BSND: variants seen among roughly 807,000 people sequenced by gnomAD.
BSND encodes the protein barttin CLCNK type accessory subunit beta.
Under a neutral mutation model 18.8 loss-of-function variants are expected in BSND, and 13 were observed. The ratio of observed to expected loss-of-function variants is 0.69; its 90% CI spans 0.45 to 1.10. The LOEUF (loss-of-function observed/expected upper bound fraction) is 1.10. BSND is among the 50% of genes least tolerant of loss of function. The pLI, the probability that BSND is intolerant of heterozygous loss-of-function variation, is 0.00. For synonymous variants in BSND, 170 were observed against 161.8 expected, an observed-to-expected ratio of 1.05 and a Z score of -0.39; for missense variants, 379 against 416.7, an observed-to-expected ratio of 0.91 and a Z score of 0.79.
intron 1 of BSND, among the ~76,000 whole-genome samples, chr1:55,000,357 C>T (rs1644355029): frequency 6.6e-6 from 1 of 151,796 alleles, no homozygotes; most frequent in African/African-American, 2.4e-5. Flanking sequence ...AATAGGGACT[C>T]TAACTTGGGC....
chr1:55,003,428 G>T (rs143007612), intron 1 of BSND, among the ~76,000 whole-genome samples: 1 of 152,100 alleles, frequency 6.6e-6, no homozygotes, highest in Non-Finnish European at 1.5e-5. Context: ...TAGAGACAGC[G>T]TCTTTCTTCA....
At chr1:55,002,701 T>A (rs1397887856) in intron 1 of BSND, among the ~76,000 whole-genome samples, 1 of 152,210 alleles carries the variant, frequency 6.6e-6, no homozygotes. Context: ...CCCCATCCTT[T>A]CCTTCTCCAA....
Position 55,008,787 on chromosome 1 carries a change from T to A in BSND, c.*159T>A. On this transcript the variant is annotated 3_prime_UTR_variant, in exon 4 of 4. Coordinates refer to ENST00000651561, the MANE Select transcript of BSND (RefSeq NM_057176.3). ...AAAGAAATACACAGGGAGGGGATGA[T>A]GACTATTAGTGGACTCTTGTTTTTC... 1 of 1,076,110 alleles carries A rather than the reference T, an allele frequency of 9.3e-7. No homozygotes were observed. The highest frequency in any genetic ancestry group is 2.0e-5 in the Admixed American group (1 of 49,830). The allele number at this position is 1,076,110 out of a possible 1,614,324, so 66.7% of individuals were successfully genotyped here.
At chr1:55,004,581 C>A (rs1644380350) in intron 1 of BSND, among the ~76,000 whole-genome samples, 1 of 152,200 alleles carries the variant, frequency 6.6e-6, no homozygotes, top group East Asian at 1.9e-4. Flanking sequence ...TCTCTGTCAC[C>A]CACTGCAGCC....
In BSND at chr1:55,015,887, T is replaced by C. The variant is rs1180825893; in HGVS notation, c.*7259T>C. 6.6e-6 allele frequency among the ~76,000 whole-genome samples: 1 copy of C among 152,216 alleles called. No individual in the cohort carries two copies. The highest frequency in any genetic ancestry group is 1.9e-4 in the East Asian group (1 of 5,180). Reference sequence around the variant, plus strand: ...GAGGAACTCCCACCAAGCTATGTCCTGAAGGATTCGCTAGGGAAGAGCAGG... The same window carrying C: ...GAGGAACTCCCACCAAGCTATGTCCCGAAGGATTCGCTAGGGAAGAGCAGG... On this transcript the variant is annotated 3_prime_UTR_variant, in exon 4 of 4. Coordinates refer to ENST00000651561, the MANE Select transcript of BSND (RefSeq NM_057176.3).
In BSND at chr1:55,014,627, G is replaced by T. The variant is rs1016371201; in HGVS notation, c.*5999G>T. Among the ~76,000 whole-genome samples the T allele has an allele frequency of 6.6e-6, 1 of 152,164 alleles. No individual in the cohort carries two copies. The highest frequency in any genetic ancestry group is 1.9e-4 in the East Asian group (1 of 5,192). On this transcript the variant is annotated 3_prime_UTR_variant, in exon 4 of 4. Transcript: ENST00000651561. Reference sequence around the variant, plus strand: ...ACATGTATAATTCGAGCTTTGTATCGTCAGTGCTTCCAAGTGCCTGTCAAT... The same window carrying T: ...ACATGTATAATTCGAGCTTTGTATCTTCAGTGCTTCCAAGTGCCTGTCAAT...
At position 55,014,831 on chromosome 1, in the gene BSND, T is replaced by C. The variant is rs2149038; in HGVS notation, c.*6203T>C. 0.56 allele frequency among the ~76,000 whole-genome samples: 84,600 copies of C among 152,024 alleles called. 23,789 individuals carry two copies. Among genetic ancestry groups the C allele is most frequent in the East Asian group, 0.67 (3,458 of 5,150 alleles). The stretch of plus-strand genomic sequence containing the variant: ...CTTAAATGAGTTATCAAACATTGGA[T>C]AGCTGGTAGGCAACCCAGAAGAGGT... On this transcript the variant is annotated 3_prime_UTR_variant, in exon 4 of 4. Coordinates refer to ENST00000651561, the MANE Select transcript of BSND (RefSeq NM_057176.3).
intron 1 of BSND, among the ~76,000 whole-genome samples, chr1:55,001,827 A>G (rs1160270977): frequency 6.6e-6 from 1 of 152,174 alleles, no homozygotes; most frequent in Non-Finnish European, 1.5e-5. Flanking sequence ...CATTCCAGGC[A>G]GAAGAGTAGC....
chr1:55,017,009 A>G lies in BSND; in HGVS notation c.*8381A>G, dbSNP rs1487311026. On this transcript the variant is annotated 3_prime_UTR_variant, in exon 4 of 4. Transcript: ENST00000651561. ...CTCCTTTGTAGCATTTATTACCATC[A>G]TAATTTTACATTTCTTTGTGAATTT... Among the ~76,000 whole-genome samples the G allele has an allele frequency of 2.0e-5, 3 of 152,214 alleles. No individual in the cohort carries two copies. Among genetic ancestry groups the G allele is most frequent in the Non-Finnish European group, 4.4e-5 (3 of 68,036 alleles).
In BSND at chr1:55,005,581, T is replaced by C. The variant is rs575622938; in HGVS notation, c.272+465T>C. Among the ~76,000 whole-genome samples the C allele has an allele frequency of 2.0e-5, 3 of 152,324 alleles. No homozygotes were observed. The East Asian group carries it at 5.8e-4, about 29-fold the overall frequency. On this transcript the variant is annotated intron_variant, in intron 2 of 3. Transcript: ENST00000651561. ...GTCTGTAAAATGGGGATACTAATAG[T>C]ACCTATCTCCTAGGGCTTCAGGGAG...
chr1:55,001,797 G>A (rs1644362858), intron 1 of BSND, among the ~76,000 whole-genome samples: 1 of 152,076 alleles, frequency 6.6e-6, no homozygotes, highest in Non-Finnish European at 1.5e-5. Context: ...AGTTCACCAA[G>A]CAGAGAAGAT....
At chr1:55,001,645 G>A (rs554579941) in intron 1 of BSND, among the ~76,000 whole-genome samples, 2 of 152,282 alleles carry the variant, frequency 1.3e-5, no homozygotes, top group African/African-American at 4.8e-5. Context: ...ATATAGGGGT[G>A]AGGGGTAGCC....
intron 2 of BSND, among the ~76,000 whole-genome samples, chr1:55,006,315 TC>T (rs1644391361): frequency 6.6e-6 from 1 of 152,138 alleles, no homozygotes; most frequent in Admixed American, 6.5e-5. Flanking sequence ...CCCAGTCACT[TC>T]CCGGCTGTGT....
chr1:55,003,181 G>T (rs1016049243), intron 1 of BSND, among the ~76,000 whole-genome samples: 2 of 151,188 alleles, frequency 1.3e-5, no homozygotes, highest in African/African-American at 4.9e-5. Flanking sequence ...ATCCTTAACG[G>T]GGGTGGAAGA....
intron 1 of BSND, among the ~76,000 whole-genome samples, chr1:55,004,068 T>C (rs1234612126): frequency 6.6e-6 from 1 of 152,220 alleles, no homozygotes; most frequent in East Asian, 1.9e-4. Flanking sequence ...GATTTGACTA[T>C]TCCAGGTGCC....
chr1:55,007,433 G>A (rs538816952), intron 3 of BSND, among the ~76,000 whole-genome samples, 161 bp downstream of exon 3: 23 of 152,250 alleles, frequency 1.5e-4, no homozygotes, highest in African/African-American at 5.1e-4. Context: ...GCAGACAAAT[G>A]AGTATGGGCT....
chr1:54,999,521 A>ATCCG (rs1046804287), intron 1 of BSND, among the ~76,000 whole-genome samples, 158 bp downstream of exon 1: 3 of 117,300 alleles, frequency 2.6e-5, no homozygotes, highest in Non-Finnish European at 4.9e-5. Flanking sequence ...CGTCTGTCCC[A>ATCCG]TCCATCCATC....
At position 55,009,386 on chromosome 1, in the gene BSND, C is replaced by G. The variant is rs573664886; in HGVS notation, c.*758C>G. Reference sequence around the variant, plus strand: ...CTGCCTTTGGGACCTGTATATTTGTCAGTGTGGCATGGCTGCCTGCCTCCC... The same window carrying G: ...CTGCCTTTGGGACCTGTATATTTGTGAGTGTGGCATGGCTGCCTGCCTCCC... On this transcript the variant is annotated 3_prime_UTR_variant, in exon 4 of 4. Coordinates refer to ENST00000651561, the MANE Select transcript of BSND (RefSeq NM_057176.3). 1.5e-4 allele frequency: 23 copies of G among 152,806 alleles called. No homozygotes were observed. Among genetic ancestry groups the G allele is most frequent in the African/African-American group, 3.6e-4 (15 of 41,564 alleles). The allele number at this position is 152,806 out of a possible 1,614,324, so 9.5% of individuals were successfully genotyped here.
chr1:55,001,283 T>C (rs1644360563), intron 1 of BSND, among the ~76,000 whole-genome samples: 1 of 151,772 alleles, frequency 6.6e-6, no homozygotes, highest in African/African-American at 2.4e-5. Flanking sequence ...ATGGAACATA[T>C]GTGAAGGCAT....
Sources: gnomAD v4.1 joint callset for allele counts (sites outside exome capture counted in the v4.1 genomes callset) on GRCh38, gnomAD v4.1.1 for gene constraint, MANE v1.5 for transcripts, NCBI Gene and HGNC (gene_info 2026-07-23, HGNC 2026-07-21) for gene names.